PRKCA: variants seen among roughly 807,000 people sequenced by gnomAD.
PRKCA encodes protein kinase C alpha type.
A neutral mutation model predicts 87.0 loss-of-function variants in PRKCA; 27 were observed. That is an observed-to-expected ratio of 0.31 (90% CI 0.23 to 0.43). PRKCA has a LOEUF of 0.43. PRKCA is among the 20% of genes least tolerant of loss of function. The pLI, the probability that PRKCA is intolerant of heterozygous loss-of-function variation, is 1.00. For missense variants in PRKCA, 518 were observed against 852.3 expected, an observed-to-expected ratio of 0.61 and a Z score of 4.88; for synonymous variants, 329 against 311.1, an observed-to-expected ratio of 1.06 and a Z score of -0.61.
chr17:66,750,943 A>G (rs1043128061), intron 13 of PRKCA, among the ~76,000 whole-genome samples: 4 of 152,132 alleles, frequency 2.6e-5, no homozygotes, highest in Admixed American at 6.6e-5. Flanking sequence ...CCCAAGCAAC[A>G]TGTCACTCCA....
chr17:66,610,691 C>T (rs563619024), intron 3 of PRKCA, among the ~76,000 whole-genome samples: 11 of 152,260 alleles, frequency 7.2e-5, no homozygotes, highest in East Asian at 3.9e-4. Flanking sequence ...CAGTCACGAT[C>T]GCAAGAGCAC....
At chr17:66,526,886 G>T (rs1298895603) in intron 3 of PRKCA, among the ~76,000 whole-genome samples, 1 of 152,174 alleles carries the variant, frequency 6.6e-6, no homozygotes, top group Non-Finnish European at 1.5e-5. Flanking sequence ...GCAGTTTGGG[G>T]ATACTTTGGT....
At chr17:66,755,015 A>G (rs1358965448) in intron 13 of PRKCA, among the ~76,000 whole-genome samples, 1 of 151,472 alleles carries the variant, frequency 6.6e-6, no homozygotes, top group Non-Finnish European at 1.5e-5. Context: ...AGGTCGGGTG[A>G]CCCAACTCAA....
intron 2 of PRKCA, among the ~76,000 whole-genome samples, chr17:66,491,529 A>T (rs545112354): frequency 6.6e-6 from 1 of 152,346 alleles, no homozygotes; most frequent in South Asian, 2.1e-4. Flanking sequence ...AAGGTTTGCT[A>T]TGTAACAGGT....
chr17:66,550,604 G>A (rs976956271), intron 3 of PRKCA, among the ~76,000 whole-genome samples: 8 of 151,558 alleles, frequency 5.3e-5, no homozygotes, highest in African/African-American at 9.7e-5. Flanking sequence ...AACCGAGATC[G>A]TGCCACTGCA....
At chr17:66,791,182 T>G (rs1368551333) in intron 16 of PRKCA, among the ~76,000 whole-genome samples, 1 of 145,914 alleles carries the variant, frequency 6.9e-6, no homozygotes, top group Admixed American at 6.9e-5. Context: ...GAATGCTCGT[T>G]AAAATTAAGA....
In PRKCA at chr17:66,687,188, G is replaced by A; in HGVS notation, c.607G>A (p.Asp203Asn). 1 of 1,613,948 alleles carries A rather than the reference G, an allele frequency of 6.2e-7. No individual in the cohort carries two copies. Among genetic ancestry groups the A allele is most frequent in the Non-Finnish European group, 8.5e-7 (1 of 1,179,938 alleles). ...DPYVKLKLIP[D>N]PKNESKQKTK... ...TTATGTGAAGCTGAAACTTATTCCT[G>A]ATCCCAAGAATGAAAGCAAGCAAAA... Residue 203 changes from aspartate to asparagine, a missense_variant, in exon 6 of 17, where the codon GAT becomes AAT. Asp to Asn is a conservative substitution (Grantham distance 23, BLOSUM62 1). This residue lies in a region of PRKCA where 300 missense variants were observed against 496.8 expected (regional missense o/e 0.60). Transcript: ENST00000413366.
At chr17:66,368,358 GTA>G (rs1207640910) in intron 2 of PRKCA, among the ~76,000 whole-genome samples, 5,685 of 42,622 alleles carry the variant, frequency 0.13, 250 homozygotes, top group Admixed American at 0.25. Context: ...GTGTGTGTGT[GTA>G]TATGTATATA....
chr17:66,787,886 CAT>C (rs1384633700), intron 15 of PRKCA, among the ~76,000 whole-genome samples: 1 of 152,162 alleles, frequency 6.6e-6, no homozygotes, highest in East Asian at 1.9e-4. Context: ...TTCCTCCTGT[CAT>C]ATTGCTGTGC....
At chr17:66,774,440 G>T in intron 14 of PRKCA, 1 of 853,530 alleles carries the variant, frequency 1.2e-6, no homozygotes, top group South Asian at 3.4e-5. Context: ...GGCCAACATG[G>T]CGAAACCCCA....
At chr17:66,629,955 T>C (rs542707630) in intron 3 of PRKCA, among the ~76,000 whole-genome samples, 1 of 152,324 alleles carries the variant, frequency 6.6e-6, no homozygotes, top group South Asian at 2.1e-4. Context: ...GCTATGGTTA[T>C]GTATAATGCT....
At chr17:66,486,673 C>T (rs568244078) in intron 2 of PRKCA, among the ~76,000 whole-genome samples, 1 of 152,138 alleles carries the variant, frequency 6.6e-6, no homozygotes, top group Non-Finnish European at 1.5e-5. Context: ...TCTCTCATGG[C>T]TTGGTCCACA....
chr17:66,388,457 G>A (rs2143624182), intron 2 of PRKCA, among the ~76,000 whole-genome samples: 1 of 152,142 alleles, frequency 6.6e-6, no homozygotes, highest in East Asian at 1.9e-4. Flanking sequence ...ACCACATCTG[G>A]CTGATTTTGT....
intron 4 of PRKCA, among the ~76,000 whole-genome samples, chr17:66,641,797 G>T (rs372445796): frequency 6.6e-6 from 1 of 150,458 alleles, no homozygotes; most frequent in African/African-American, 2.5e-5. Flanking sequence ...GACTTCCACC[G>T]CCAGGTCCAC....
intron 2 of PRKCA, among the ~76,000 whole-genome samples, chr17:66,382,199 A>T (rs1435030652): frequency 6.6e-6 from 1 of 152,166 alleles, no homozygotes; most frequent in Non-Finnish European, 1.5e-5. Context: ...CACATTGTGG[A>T]AGAGACAGAC....
At chr17:66,700,257 T>C (rs1333415128) in intron 8 of PRKCA, among the ~76,000 whole-genome samples, 1 of 152,192 alleles carries the variant, frequency 6.6e-6, no homozygotes, top group Non-Finnish European at 1.5e-5. Context: ...TTTAATGCCC[T>C]TTCAAAATAA....
At chr17:66,478,023 G>A (rs1230614911) in intron 2 of PRKCA, among the ~76,000 whole-genome samples, 1 of 152,204 alleles carries the variant, frequency 6.6e-6, no homozygotes, top group African/African-American at 2.4e-5. Context: ...TTTTGCCAAG[G>A]TTAAGGACGT....
intron 3 of PRKCA, among the ~76,000 whole-genome samples, chr17:66,523,293 T>G (rs1967233199): frequency 1.3e-5 from 2 of 152,142 alleles, no homozygotes; most frequent in South Asian, 4.1e-4. Context: ...TCCCCGAAAT[T>G]CAGGCAGGTC....
chr17:66,584,984 G>C (rs1156492801), intron 3 of PRKCA, among the ~76,000 whole-genome samples: 1 of 151,938 alleles, frequency 6.6e-6, no homozygotes, highest in East Asian at 1.9e-4. Flanking sequence ...ATAGGCAAGA[G>C]AAAGAGGAAA....
Sources: gnomAD v4.1 joint callset for allele counts (sites outside exome capture counted in the v4.1 genomes callset) on GRCh38, gnomAD v4.1.1 for gene constraint, gnomAD v4.1.1 regional missense constraint, MANE v1.5 for transcripts, NCBI Gene and HGNC (gene_info 2026-07-23, HGNC 2026-07-21) for gene names.